PAIP2B: variants seen among roughly 807,000 people sequenced by gnomAD.
PAIP2B encodes poly(A) binding protein interacting protein 2B, also known as polyadenylate-binding protein-interacting protein 2B.
A neutral mutation model predicts 17.0 loss-of-function variants in PAIP2B; 13 were observed. The ratio of observed to expected loss-of-function variants is 0.76; its 90% CI spans 0.50 to 1.22. PAIP2B has a LOEUF of 1.22. PAIP2B is among the 50% of genes most tolerant of loss of function. The pLI is 0.00. For synonymous variants in PAIP2B, 43 were observed against 48.7 expected, an observed-to-expected ratio of 0.88 and a Z score of 0.48; for missense variants, 117 against 144.5, an observed-to-expected ratio of 0.81 and a Z score of 0.98.
At chr2:71,190,050 T>C (rs767275693) in intron 2 of PAIP2B, 29 bp from the exon 3 acceptor site, 2 of 1,592,698 alleles carry the variant, frequency 1.3e-6, no homozygotes, top group Non-Finnish European at 1.7e-6. Flanking sequence ...CAGCTCAGAC[T>C]TACTGTCACA....
At position 71,220,644 on chromosome 2, in the gene PAIP2B, G is replaced by A. The variant is rs138015972; in HGVS notation, c.-12+6284C>T. ...CTCCAGAGTGCTCAAATATCACTTC[G>A]TTTTTAAAAAATATTTGTTTATTTT... On this transcript the variant is annotated intron_variant, in intron 1 of 3. Coordinates refer to ENST00000244221, the MANE Select transcript of PAIP2B (RefSeq NM_020459.1). Among the ~76,000 whole-genome samples the A allele has an allele frequency of 3.6e-3, 554 of 152,212 alleles. 6 individuals are homozygous for A. The highest frequency in any genetic ancestry group is 0.012 in the African/African-American group (497 of 41,532).
intron 1 of PAIP2B, among the ~76,000 whole-genome samples, chr2:71,219,196 C>T (rs1467283750): frequency 1.3e-5 from 2 of 151,040 alleles, no homozygotes; most frequent in East Asian, 2.0e-4. Flanking sequence ...TCCCAAAGTG[C>T]TGGGATTACA....
intron 3 of PAIP2B, among the ~76,000 whole-genome samples, chr2:71,188,924 G>C (rs17006730): frequency 3.2e-4 from 48 of 151,216 alleles, no homozygotes; most frequent in African/African-American, 1.2e-3. Context: ...CTACTCTCTT[G>C]TGAATATCCA....
chr2:71,206,062 A>G (rs1002400507), intron 1 of PAIP2B, among the ~76,000 whole-genome samples: 1 of 152,248 alleles, frequency 6.6e-6, no homozygotes, highest in Non-Finnish European at 1.5e-5. Context: ...CACAGAAATT[A>G]TGAAATAATA....
At chr2:71,191,107 T>A (rs964118872) in intron 2 of PAIP2B, among the ~76,000 whole-genome samples, 5 of 152,184 alleles carry the variant, frequency 3.3e-5, no homozygotes, top group Admixed American at 3.3e-4. Flanking sequence ...GCCTCTTGCT[T>A]CATGTTTGGC....
intron 1 of PAIP2B, among the ~76,000 whole-genome samples, chr2:71,223,627 C>T (rs1675647573): frequency 6.6e-6 from 1 of 151,806 alleles, no homozygotes; most frequent in Non-Finnish European, 1.5e-5. Flanking sequence ...TTAGTAGAGA[C>T]AGGGTTCCAC....
chr2:71,196,266 A>G (rs576022226), intron 2 of PAIP2B, among the ~76,000 whole-genome samples: 36 of 152,094 alleles, frequency 2.4e-4, no homozygotes, highest in Non-Finnish European at 3.8e-4. Context: ...CAATTTCATT[A>G]TTTACCTGAA....
intron 1 of PAIP2B, among the ~76,000 whole-genome samples, chr2:71,218,031 C>T (rs1410710455): frequency 6.6e-6 from 1 of 152,136 alleles, no homozygotes; most frequent in Non-Finnish European, 1.5e-5. Context: ...CATGCCACTG[C>T]ACTCCAGCCT....
rs969036309 is a variant in PAIP2B, at chr2:71,198,430, C to T, written c.138+4022G>A. Among the ~76,000 whole-genome samples the T allele has an allele frequency of 1.1e-4, 17 of 152,016 alleles. No individual in the cohort carries two copies. In the South Asian group the frequency reaches 1.2e-3, roughly 11 times the overall value. ...CCTCCCGAGTAGCTGGGACTACAGG[C>T]GCCCGCTACCACGCCCGGCTAATTT... On this transcript the variant is annotated intron_variant, in intron 2 of 3. Coordinates refer to ENST00000244221, the MANE Select transcript of PAIP2B (RefSeq NM_020459.1).
At position 71,186,890 on chromosome 2, in the gene PAIP2B, G is replaced by A. The variant is rs181059026; in HGVS notation, c.*1589C>T. 4.6e-5 allele frequency: 7 copies of A among 152,276 alleles called. No individual in the cohort carries two copies. Among genetic ancestry groups the A allele is most frequent in the South Asian group, 4.1e-4 (2 of 4,822 alleles). 9.4% of individuals were successfully genotyped at this position (152,276 alleles called of 1,614,324 possible). ...AATGTGTATTTTAAATCTGGCATTAGCTTATCACTGTTCAAAAAGTCAACG... is the reference window on the plus strand; with the variant it reads ...AATGTGTATTTTAAATCTGGCATTAACTTATCACTGTTCAAAAAGTCAACG... On this transcript the variant is annotated 3_prime_UTR_variant, in exon 4 of 4. Transcript: ENST00000244221.
At chr2:71,222,476 C>A (rs1558784675) in intron 1 of PAIP2B, among the ~76,000 whole-genome samples, 1 of 152,148 alleles carries the variant, frequency 6.6e-6, no homozygotes, top group Non-Finnish European at 1.5e-5. Flanking sequence ...TTGGAAAATA[C>A]AAATGTTGAG....
intron 1 of PAIP2B, among the ~76,000 whole-genome samples, chr2:71,207,832 G>A (rs1197978078): frequency 6.6e-6 from 1 of 152,154 alleles, no homozygotes; most frequent in Non-Finnish European, 1.5e-5. Context: ...GAACTCTGTG[G>A]GAAGGGCAAA....
At chr2:71,223,383 C>A (rs1675640452) in intron 1 of PAIP2B, among the ~76,000 whole-genome samples, 1 of 151,826 alleles carries the variant, frequency 6.6e-6, no homozygotes, top group South Asian at 2.1e-4. Flanking sequence ...TGCACTCCAG[C>A]CTGGGTGACA....
Position 71,191,317 on chromosome 2 carries a change from G to T in PAIP2B, c.139-1296C>A, listed in dbSNP as rs574110179. On this transcript the variant is annotated intron_variant, in intron 2 of 3. Transcript: ENST00000244221. ...CCACACGTGAAAACTAGACAGTTAT[G>T]AAGTGCTTAATAAAATATTCTCATG... Among the ~76,000 whole-genome samples, 13 of 152,302 alleles carry T rather than the reference G, an allele frequency of 8.5e-5. No individual in the cohort carries two copies. The South Asian group carries it at 2.7e-3, about 32-fold the overall frequency.
At chr2:71,189,547 T>C (rs1674629450) in intron 3 of PAIP2B, among the ~76,000 whole-genome samples, 1 of 152,222 alleles carries the variant, frequency 6.6e-6, no homozygotes, top group Non-Finnish European at 1.5e-5. Context: ...GTTCAAATTG[T>C]TATCCTTAAT....
rs1333153486 is a variant in PAIP2B, at chr2:71,182,850, C to T, written c.*5629G>A. 3 of 151,814 alleles carry T rather than the reference C, an allele frequency of 2.0e-5. No homozygotes were observed. Among genetic ancestry groups the T allele is most frequent in the Non-Finnish European group, 2.9e-5 (2 of 67,980 alleles). The allele number at this position is 151,814 out of a possible 1,614,324, so 9.4% of individuals were successfully genotyped here. ...ATATTTTTATGAAAATTATTTTCTT[C>T]AGTTTTAAAGCCCTGTCCCTCCCCC... On this transcript the variant is annotated 3_prime_UTR_variant, in exon 4 of 4. Transcript: ENST00000244221.
chr2:71,201,008 G>GTGTGTGTGT (rs1674967984), intron 2 of PAIP2B, among the ~76,000 whole-genome samples: 2 of 32,310 alleles, frequency 6.2e-5, no homozygotes, highest in Non-Finnish European at 1.7e-4. Context: ...TGTGTGTGTG[G>GTGTGTGTGT]GTGTGTGTGT....
Position 71,190,022 on chromosome 2 carries a change from C to A in PAIP2B, c.139-1G>T, listed in dbSNP as rs773004310. 1.2e-6 allele frequency: 2 copies of A among 1,609,224 alleles called. No homozygotes were observed. The highest frequency in any genetic ancestry group is 2.2e-5 in the East Asian group (1 of 44,804). ...CTTGCTCCTGCAGTTCCTCCTCCACCTAGCAAGCAAAGGGGAGCAGCTCAG... is the reference window on the plus strand; with the variant it reads ...CTTGCTCCTGCAGTTCCTCCTCCACATAGCAAGCAAAGGGGAGCAGCTCAG... On this transcript the variant is annotated splice_acceptor_variant, in intron 2 of 3. Coordinates refer to ENST00000244221, the MANE Select transcript of PAIP2B (RefSeq NM_020459.1). LOFTEE classifies it high-confidence loss of function.
chr2:71,212,303 G>C (rs1349452794), intron 1 of PAIP2B, among the ~76,000 whole-genome samples: 1 of 152,188 alleles, frequency 6.6e-6, no homozygotes, highest in African/African-American at 2.4e-5. Flanking sequence ...GTATATTTGA[G>C]AGAGCATCAC....
Sources: allele counts gnomAD v4.1 joint callset (sites outside exome capture counted in the v4.1 genomes callset), GRCh38; gene constraint gnomAD v4.1.1; transcripts MANE v1.5; gene names NCBI Gene and HGNC (gene_info 2026-07-23, HGNC 2026-07-21).